Variants in LRMDA observed in about 807,000 individuals in gnomAD.
LRMDA encodes the protein leucine-rich melanocyte differentiation-associated protein.
A neutral mutation model predicts 29.8 loss-of-function variants in LRMDA; 18 were observed. The observed-to-expected ratio is 0.60, with a 90% CI of 0.42 to 0.90. The LOEUF (loss-of-function observed/expected upper bound fraction) is 0.90, where lower values mean the gene tolerates loss of function less well. Among genes scored for constraint, LRMDA ranks in the 40% least tolerant of loss-of-function variants. LRMDA has a pLI of 0.00. For missense variants in LRMDA, 273 were observed against 273.9 expected (o/e 1.00, Z 0.02); for synonymous variants, 125 against 109.4 (o/e 1.14, Z -0.89).
At chr10:76,203,732 G>C (rs573535327) in intron 5 of LRMDA, among the ~76,000 whole-genome samples, 2 of 138,604 alleles carry the variant, frequency 1.4e-5, no homozygotes, top group South Asian at 4.8e-4. Flanking sequence ...ATCTCTCCAT[G>C]TGCCTGTCCA....
At chr10:75,678,878 C>T (rs1020991479) in intron 2 of LRMDA, among the ~76,000 whole-genome samples, 1 of 152,210 alleles carries the variant, frequency 6.6e-6, no homozygotes, top group African/African-American at 2.4e-5. Context: ...ACCAAGGACT[C>T]GAAGGATGTG....
At chr10:75,822,595 G>A (rs188118573) in intron 2 of LRMDA, among the ~76,000 whole-genome samples, 25 of 152,148 alleles carry the variant, frequency 1.6e-4, no homozygotes, top group African/African-American at 4.8e-4. Context: ...AAACAGCATG[G>A]TACTGGTATA....
intron 6 of LRMDA, among the ~76,000 whole-genome samples, chr10:76,541,187 G>A (rs2132384797): frequency 6.6e-6 from 1 of 152,250 alleles, no homozygotes; most frequent in South Asian, 2.1e-4. Flanking sequence ...CTGCTAGGAG[G>A]CAACCTCTAG....
chr10:76,377,961 A>T (rs1841541725), intron 6 of LRMDA, among the ~76,000 whole-genome samples: 1 of 152,142 alleles, frequency 6.6e-6, no homozygotes, highest in Non-Finnish European at 1.5e-5. Context: ...TTGAATCTGA[A>T]TATTCCTTTG....
At chr10:76,057,359 A>C (rs750488583) in intron 4 of LRMDA, among the ~76,000 whole-genome samples, 1 of 152,242 alleles carries the variant, frequency 6.6e-6, no homozygotes, top group Non-Finnish European at 1.5e-5. Flanking sequence ...GGCACATAGT[A>C]GGTGATCAAG....
intron 6 of LRMDA, among the ~76,000 whole-genome samples, chr10:76,447,893 T>C (rs897747668): frequency 6.6e-6 from 1 of 152,188 alleles, no homozygotes; most frequent in African/African-American, 2.4e-5. Flanking sequence ...ACTTTTCCAG[T>C]GTATAAGAGA....
intron 2 of LRMDA, among the ~76,000 whole-genome samples, chr10:75,573,357 G>C (rs1478698854): frequency 6.6e-6 from 1 of 152,034 alleles, no homozygotes; most frequent in Non-Finnish European, 1.5e-5. Flanking sequence ...ATCCTCAGCT[G>C]TTCTCTTTTT....
chr10:76,212,579 C>T (rs1397051561), intron 5 of LRMDA, among the ~76,000 whole-genome samples: 1 of 152,198 alleles, frequency 6.6e-6, no homozygotes, highest in Non-Finnish European at 1.5e-5. Flanking sequence ...CGGATGTCCA[C>T]ACTGAACTAA....
intron 2 of LRMDA, among the ~76,000 whole-genome samples, chr10:75,473,386 G>A (rs867182750): frequency 3.3e-5 from 5 of 152,252 alleles, no homozygotes; most frequent in South Asian, 4.1e-4. Context: ...GTACTCTACA[G>A]AGATGACAGT....
At chr10:75,826,952 A>G (rs1844256138) in intron 2 of LRMDA, among the ~76,000 whole-genome samples, 1 of 152,090 alleles carries the variant, frequency 6.6e-6, no homozygotes, top group Admixed American at 6.6e-5. Flanking sequence ...TTGGCAGAAA[A>G]TTACTTTTTT....
chr10:76,178,256 G>A lies in LRMDA; in HGVS notation c.516+119473G>A, dbSNP rs189789265. Reference sequence around the variant, plus strand: ...GGGCTGAGTGAGCAATGCTTCTTGCGGGGAACTTTATGGTAGACCAGGCCA... The same window carrying A: ...GGGCTGAGTGAGCAATGCTTCTTGCAGGGAACTTTATGGTAGACCAGGCCA... On this transcript the variant is annotated intron_variant, in intron 5 of 6. Coordinates refer to ENST00000611255, the MANE Select transcript of LRMDA (RefSeq NM_001305581.2). Among the ~76,000 whole-genome samples the A allele has an allele frequency of 5.3e-5, 8 of 152,284 alleles. No individual in the cohort carries two copies. The East Asian group carries it at 7.7e-4, about 15-fold the overall frequency.
chr10:75,707,292 T>C (rs1229192682), intron 2 of LRMDA, among the ~76,000 whole-genome samples: 1 of 152,178 alleles, frequency 6.6e-6, no homozygotes, highest in Non-Finnish European at 1.5e-5. Context: ...GGAAAGCCAA[T>C]TTGGGAACCA....
At chr10:75,763,032 G>A (rs940382972) in intron 2 of LRMDA, among the ~76,000 whole-genome samples, 1 of 152,176 alleles carries the variant, frequency 6.6e-6, no homozygotes, top group Non-Finnish European at 1.5e-5. Flanking sequence ...CACTGGGTCT[G>A]CATACATTAT....
In LRMDA at chr10:76,324,492, A is replaced by C. The variant is rs750361989; in HGVS notation, c.601+7A>C. ...GAACTCACCAGTCACCAAGGTTGGA[A>C]CTCAGCTTTTTATTGCTCTCAGTGG... On this transcript the variant is annotated splice_region_variant and intron_variant, in intron 6 of 6. Coordinates refer to ENST00000611255, the MANE Select transcript of LRMDA (RefSeq NM_001305581.2). 10 of 1,612,550 alleles carry C rather than the reference A, an allele frequency of 6.2e-6. No individual in the cohort carries two copies. The highest frequency in any genetic ancestry group is 8.5e-6 in the Non-Finnish European group (10 of 1,179,488).
At chr10:76,063,247 TAATA>T (rs1848731003) in intron 5 of LRMDA, among the ~76,000 whole-genome samples, 1 of 152,236 alleles carries the variant, frequency 6.6e-6, no homozygotes, top group Admixed American at 6.5e-5. Flanking sequence ...GAAGATGTGG[TAATA>T]AATATGTCTG....
chr10:76,111,812 G>C (rs1011413648), intron 5 of LRMDA, among the ~76,000 whole-genome samples: 5 of 151,400 alleles, frequency 3.3e-5, no homozygotes, highest in Non-Finnish European at 7.4e-5. Flanking sequence ...ATGGGGGTGG[G>C]GGGGGGCGCA....
intron 2 of LRMDA, among the ~76,000 whole-genome samples, chr10:75,713,007 A>G (rs1842455780): frequency 6.6e-6 from 1 of 152,168 alleles, no homozygotes; most frequent in South Asian, 2.1e-4. Context: ...TTTGAAAATG[A>G]TGTTTCTGGA....
At chr10:75,983,965 T>C (rs1847218732) in intron 2 of LRMDA, among the ~76,000 whole-genome samples, 1 of 152,156 alleles carries the variant, frequency 6.6e-6, no homozygotes, top group Non-Finnish European at 1.5e-5. Context: ...CCCAGTGTGT[T>C]TTTATTTGTC....
rs375953054 is a variant in LRMDA at position 76,077,879 on chromosome 10, C to A, written c.516+19096C>A. 1.1e-3 allele frequency among the ~76,000 whole-genome samples: 162 copies of A among 151,728 alleles called. No homozygotes were observed. In the South Asian group the frequency reaches 0.015, roughly 14 times the overall value. On this transcript the variant is annotated intron_variant, in intron 5 of 6. Transcript: ENST00000611255. The stretch of plus-strand genomic sequence containing the variant: ...ATCCCAAGCCCACCATTAGTATTCT[C>A]AAGCTATGAAAGAAGATGGTTTAGG...
Sources: gnomAD v4.1 joint callset for allele counts (sites outside exome capture counted in the v4.1 genomes callset) on GRCh38, gnomAD v4.1.1 for gene constraint, MANE v1.5 for transcripts, NCBI Gene and HGNC (gene_info 2026-07-23, HGNC 2026-07-21) for gene names.